MARCHF3: variants seen among roughly 807,000 people sequenced by gnomAD.
MARCHF3 encodes the protein E3 ubiquitin-protein ligase MARCHF3.
MARCHF3 carries 13 observed loss-of-function variants against 24.2 expected under a neutral mutation model. That is an observed-to-expected ratio of 0.54 (90% CI 0.35 to 0.85). The LOEUF (loss-of-function observed/expected upper bound fraction) is 0.85, where lower values mean the gene tolerates loss of function less well. Among genes scored for constraint, MARCHF3 ranks in the 40% least tolerant of loss-of-function variants. The probability of loss-of-function intolerance (pLI) is 0.01; values close to 1 mark genes in which losing one functional copy is unlikely to be tolerated. For missense variants in MARCHF3, 276 were observed against 325.0 expected, an observed-to-expected ratio of 0.85 and a Z score of 1.16; for synonymous variants, 144 against 137.3, an observed-to-expected ratio of 1.05 and a Z score of -0.34.
intron 3 of MARCHF3, among the ~76,000 whole-genome samples, chr5:126,897,373 G>C (rs945661986): frequency 5.9e-5 from 9 of 151,888 alleles, no homozygotes; most frequent in Non-Finnish European, 1.0e-4. Context: ...GATGCCTTCT[G>C]AGAATTGTCA....
chr5:126,963,446 G>A (rs541836117), intron 1 of MARCHF3, among the ~76,000 whole-genome samples: 3 of 151,792 alleles, frequency 2.0e-5, no homozygotes, highest in South Asian at 2.1e-4. Flanking sequence ...CATTTTCAAG[G>A]AGAAAAAAAT....
intron 1 of MARCHF3, among the ~76,000 whole-genome samples, chr5:126,923,839 G>A (rs1749208309): frequency 6.6e-6 from 1 of 152,176 alleles, no homozygotes; most frequent in Non-Finnish European, 1.5e-5. Flanking sequence ...GGCTCCGCAG[G>A]TCTCAATATG....
At chr5:126,945,742 C>T (rs908338707) in intron 1 of MARCHF3, among the ~76,000 whole-genome samples, 13 of 152,288 alleles carry the variant, frequency 8.5e-5, no homozygotes, top group African/African-American at 3.1e-4. Context: ...TGAATTCTGG[C>T]TCTTTCAGCT....
chr5:127,016,023 A>C (rs947715816), intron 1 of MARCHF3, among the ~76,000 whole-genome samples: 1 of 152,182 alleles, frequency 6.6e-6, no homozygotes, highest in Non-Finnish European at 1.5e-5. Flanking sequence ...TACTTTACTT[A>C]ATAATGGCCC....
At chr5:126,990,177 T>C (rs977305987) in intron 1 of MARCHF3, among the ~76,000 whole-genome samples, 1 of 149,522 alleles carries the variant, frequency 6.7e-6, no homozygotes, top group African/African-American at 2.5e-5. Context: ...CAAAACAGCA[T>C]GGTACTGGTA....
At chr5:126,980,041 T>C (rs938766996) in intron 1 of MARCHF3, among the ~76,000 whole-genome samples, 3 of 152,066 alleles carry the variant, frequency 2.0e-5, no homozygotes, top group Admixed American at 1.3e-4. Flanking sequence ...AACTCTTGTG[T>C]ATAACAATCT....
At chr5:126,951,551 C>T (rs1263742680) in intron 1 of MARCHF3, among the ~76,000 whole-genome samples, 1 of 152,204 alleles carries the variant, frequency 6.6e-6, no homozygotes, top group African/African-American at 2.4e-5. Context: ...TCTCAGTCAG[C>T]GGCATCTCCA....
At chr5:126,879,874 C>A (rs996430741) in intron 3 of MARCHF3, among the ~76,000 whole-genome samples, 3 of 152,152 alleles carry the variant, frequency 2.0e-5, no homozygotes, top group Non-Finnish European at 4.4e-5. Flanking sequence ...TTCCTACCAA[C>A]AAACAGGGAC....
At chr5:126,930,206 C>A (rs929760518) in intron 1 of MARCHF3, among the ~76,000 whole-genome samples, 27 of 152,186 alleles carry the variant, frequency 1.8e-4, no homozygotes, top group African/African-American at 6.5e-4. Flanking sequence ...ATCATCCCTG[C>A]CATTTTGCAG....
At chr5:126,907,496 G>A (rs1475177257) in intron 3 of MARCHF3, among the ~76,000 whole-genome samples, 2 of 151,694 alleles carry the variant, frequency 1.3e-5, no homozygotes, top group African/African-American at 4.9e-5. Flanking sequence ...ATGAATCTGG[G>A]TGCTCCTGTA....
chr5:126,921,918 A>G (rs1749121406), intron 1 of MARCHF3, among the ~76,000 whole-genome samples: 1 of 152,340 alleles, frequency 6.6e-6, no homozygotes, highest in African/African-American at 2.4e-5. Flanking sequence ...GTGGGCAAAT[A>G]AATGAAAGCC....
intron 1 of MARCHF3, among the ~76,000 whole-genome samples, chr5:127,004,242 A>G (rs772205140): frequency 2.0e-5 from 3 of 152,184 alleles, no homozygotes. Flanking sequence ...CTCCCTATAA[A>G]TAGGCTGCAA....
intron 1 of MARCHF3, among the ~76,000 whole-genome samples, chr5:126,922,736 C>T (rs1580646996): frequency 6.6e-6 from 1 of 151,922 alleles, no homozygotes; most frequent in South Asian, 2.1e-4. Flanking sequence ...TTAGTAGAGA[C>T]GGAGTTTCGC....
intron 1 of MARCHF3, among the ~76,000 whole-genome samples, chr5:126,945,063 A>G (rs536451909): frequency 6.2e-4 from 94 of 152,258 alleles, no homozygotes; most frequent in Non-Finnish European, 1.1e-3. Context: ...ACAATGGTCA[A>G]TAAGACAAAG....
chr5:127,018,364 T>G (rs1448888143), intron 1 of MARCHF3, among the ~76,000 whole-genome samples: 2 of 151,624 alleles, frequency 1.3e-5, no homozygotes, highest in African/African-American at 4.8e-5. Flanking sequence ...GAGCGAGACT[T>G]CATCTCAAAA....
chr5:126,904,151 T>G (rs991891629), intron 3 of MARCHF3, among the ~76,000 whole-genome samples: 1 of 149,680 alleles, frequency 6.7e-6, no homozygotes, highest in Non-Finnish European at 1.5e-5. Flanking sequence ...ACTCATCATT[T>G]TTTATGGCTG....
At chr5:126,974,175 G>A (rs1751116330) in intron 1 of MARCHF3, among the ~76,000 whole-genome samples, 1 of 152,120 alleles carries the variant, frequency 6.6e-6, no homozygotes. Flanking sequence ...GGGATTACAG[G>A]CGTGAGCCAC....
intron 1 of MARCHF3, among the ~76,000 whole-genome samples, chr5:126,965,899 T>C (rs1267809695): frequency 6.6e-6 from 1 of 152,232 alleles, no homozygotes; most frequent in Non-Finnish European, 1.5e-5. Flanking sequence ...TAAAAGCTTA[T>C]GTGCATAAGA....
chr5:126,928,477 C>CA (rs1749368006), intron 1 of MARCHF3, among the ~76,000 whole-genome samples: 1 of 152,040 alleles, frequency 6.6e-6, no homozygotes. Context: ...AGGAGATTGT[C>CA]AAAAAAATTT....
Sources: allele counts gnomAD v4.1 joint callset (sites outside exome capture counted in the v4.1 genomes callset), GRCh38; gene constraint gnomAD v4.1.1; transcripts MANE v1.5; gene names NCBI Gene and HGNC (gene_info 2026-07-23, HGNC 2026-07-21).